TBC1D4: variants seen among roughly 807,000 people sequenced by gnomAD.
TBC1D4 encodes the protein TBC1 domain family member 4.
A neutral mutation model predicts 142.5 loss-of-function variants in TBC1D4; 121 were observed. The observed-to-expected ratio is 0.85, with a 90% CI of 0.73 to 0.99. The LOEUF is 0.99. TBC1D4 is among the 50% of genes least tolerant of loss of function. The pLI is 0.00. For missense variants in TBC1D4, 1,475 were observed against 1,606.6 expected (o/e 0.92, Z 1.40); for synonymous variants, 630 against 628.2 (o/e 1.00, Z -0.04).
chr13:75,308,857 C>T (rs911893791), intron 14 of TBC1D4, among the ~76,000 whole-genome samples: 1 of 152,036 alleles, frequency 6.6e-6, no homozygotes, highest in Non-Finnish European at 1.5e-5. Flanking sequence ...TATTTAAAAT[C>T]CTATGTACTT....
At chr13:75,453,806 G>A (rs897622328) in intron 1 of TBC1D4, among the ~76,000 whole-genome samples, 5 of 151,032 alleles carry the variant, frequency 3.3e-5, no homozygotes, top group Admixed American at 1.3e-4. Context: ...AGGTTGCAGT[G>A]AGCCGTGATA....
intron 1 of TBC1D4, among the ~76,000 whole-genome samples, chr13:75,369,495 T>TCA (rs1292541646): frequency 6.3e-5 from 2 of 31,588 alleles, no homozygotes; most frequent in African/African-American, 1.1e-4. Context: ...TGAGACCCTG[T>TCA]CTCACACACA....
At chr13:75,426,909 C>G (rs1300495147) in intron 1 of TBC1D4, among the ~76,000 whole-genome samples, 1 of 146,462 alleles carries the variant, frequency 6.8e-6, no homozygotes, top group Non-Finnish European at 1.5e-5. Flanking sequence ...AATAGATGGG[C>G]ATGGTGGTGC....
chr13:75,467,294 G>A (rs528461166), intron 1 of TBC1D4, among the ~76,000 whole-genome samples: 48 of 152,210 alleles, frequency 3.2e-4, no homozygotes, highest in Non-Finnish European at 5.0e-4. Flanking sequence ...ACAAGCAGCT[G>A]TGTTTGCTGC....
intron 1 of TBC1D4, among the ~76,000 whole-genome samples, chr13:75,438,139 C>T (rs1886874884): frequency 6.6e-6 from 1 of 152,202 alleles, no homozygotes; most frequent in Admixed American, 6.5e-5. Context: ...GAGACAACTT[C>T]CACCTGTTGA....
chr13:75,475,086 A>T (rs927826700), intron 1 of TBC1D4, among the ~76,000 whole-genome samples: 2 of 152,228 alleles, frequency 1.3e-5, no homozygotes, highest in South Asian at 4.1e-4. Context: ...AGCTCAATAA[A>T]CGTTCACTTT....
At chr13:75,404,354 G>T (rs1370226621) in intron 1 of TBC1D4, among the ~76,000 whole-genome samples, 2 of 152,160 alleles carry the variant, frequency 1.3e-5, no homozygotes, top group East Asian at 3.9e-4. Flanking sequence ...TCCCTCTTCA[G>T]TATGGACACC....
intron 12 of TBC1D4, among the ~76,000 whole-genome samples, chr13:75,318,022 TTCACCA>T: frequency 6.6e-6 from 1 of 152,350 alleles, no homozygotes; most frequent in South Asian, 2.1e-4. Flanking sequence ...AGTTATAGTC[TTCACCA>T]GATCAACTCT....
At chr13:75,446,320 G>C (rs1337212857) in intron 1 of TBC1D4, among the ~76,000 whole-genome samples, 4 of 152,182 alleles carry the variant, frequency 2.6e-5, no homozygotes, top group Non-Finnish European at 5.9e-5. Context: ...TGTTGTGCAA[G>C]CATCACCTCT....
At chr13:75,302,548 A>G in intron 15 of TBC1D4, 147 bp from the exon 16 acceptor site, 3 of 904,324 alleles carry the variant, frequency 3.3e-6, no homozygotes, top group Non-Finnish European at 5.2e-6. Flanking sequence ...TGACAGAAGC[A>G]TATTTTGACA....
chr13:75,449,180 C>A (rs1887423276), intron 1 of TBC1D4, among the ~76,000 whole-genome samples: 2 of 151,864 alleles, frequency 1.3e-5, no homozygotes, highest in Admixed American at 1.3e-4. Context: ...TGCTCTAGGA[C>A]CCCCAGTGGA....
At chr13:75,478,284 T>C (rs1450082575) in intron 1 of TBC1D4, among the ~76,000 whole-genome samples, 1 of 152,238 alleles carries the variant, frequency 6.6e-6, no homozygotes, top group Non-Finnish European at 1.5e-5. Flanking sequence ...AGTCCAGGTT[T>C]ATTACTCACA....
intron 1 of TBC1D4, among the ~76,000 whole-genome samples, chr13:75,377,576 CA>C (rs1228176830): frequency 6.6e-6 from 1 of 151,666 alleles, no homozygotes; most frequent in Admixed American, 6.6e-5. Flanking sequence ...CACAAATGAG[CA>C]AAAACAAGAC....
intron 1 of TBC1D4, among the ~76,000 whole-genome samples, chr13:75,431,480 T>G (rs78624231): frequency 0.016 from 2,438 of 152,272 alleles, 70 homozygotes; most frequent in African/African-American, 0.053. Flanking sequence ...AAAATTCAGA[T>G]AAGAACATCT....
intron 5 of TBC1D4, among the ~76,000 whole-genome samples, chr13:75,342,454 C>T (rs987687968): frequency 6.6e-6 from 1 of 152,090 alleles, no homozygotes; most frequent in Non-Finnish European, 1.5e-5. Context: ...ATCTCTTCCC[C>T]GATGCAGCTC....
At chr13:75,458,537 T>C (rs1333744944) in intron 1 of TBC1D4, among the ~76,000 whole-genome samples, 1 of 152,176 alleles carries the variant, frequency 6.6e-6, no homozygotes, top group Non-Finnish European at 1.5e-5. Context: ...GGCTTGAGGA[T>C]TGGGCCTTTG....
chr13:75,320,090 A>C, intron 11 of TBC1D4, 53 bp from the exon 12 acceptor site: 1 of 1,600,978 alleles, frequency 6.2e-7, no homozygotes, highest in South Asian at 1.1e-5. Context: ...ATATGTCCAA[A>C]TCAGGATTCA....
Position 75,376,566 on chromosome 13 carries a change from C to T in TBC1D4, c.499-13959G>A, listed in dbSNP as rs141914323. On this transcript the variant is annotated intron_variant, in intron 1 of 20. Coordinates refer to ENST00000377636, the MANE Select transcript of TBC1D4 (RefSeq NM_014832.5). The stretch of plus-strand genomic sequence containing the variant: ...CTAATTTTTGTATTTTTAGTAGAGA[C>T]GAGATGGGGTTTTGCCTTGTTGGCC... Among the ~76,000 whole-genome samples, 1,196 of 152,050 alleles carry T rather than the reference C, an allele frequency of 7.9e-3. 9 individuals carry two copies. Among genetic ancestry groups the T allele is most frequent in the Middle Eastern group, 0.014 (4 of 294 alleles).
At chr13:75,327,062 C>G (rs899637626) in intron 9 of TBC1D4, among the ~76,000 whole-genome samples, 1 of 152,078 alleles carries the variant, frequency 6.6e-6, no homozygotes, top group Non-Finnish European at 1.5e-5. Context: ...CCGAGCTATG[C>G]TGGAATGCAT....
Sources: allele counts gnomAD v4.1 joint callset (sites outside exome capture counted in the v4.1 genomes callset), GRCh38; gene constraint gnomAD v4.1.1; transcripts MANE v1.5; gene names NCBI Gene and HGNC (gene_info 2026-07-23, HGNC 2026-07-21).